The following PHLDB2 variants were observed in gnomAD, a reference collection of about 807,000 sequenced individuals.
PHLDB2 encodes the protein pleckstrin homology-like domain family B member 2.
Under a neutral mutation model 123.6 loss-of-function variants are expected in PHLDB2, and 71 were observed. The ratio of observed to expected loss-of-function variants is 0.57; its 90% CI spans 0.47 to 0.70. PHLDB2 has a LOEUF of 0.70. Among genes scored for constraint, PHLDB2 ranks in the 30% least tolerant of loss-of-function variants. PHLDB2 has a pLI of 0.00. For synonymous variants in PHLDB2, 547 were observed against 541.6 expected (o/e 1.01, Z -0.14); for missense variants, 1,446 against 1,519.5 (o/e 0.95, Z 0.80).
chr3:111,757,079 A>G (rs2107993595), intron 1 of PHLDB2, among the ~76,000 whole-genome samples: 1 of 152,186 alleles, frequency 6.6e-6, no homozygotes, highest in African/African-American at 2.4e-5. Flanking sequence ...GCTGCCCTTA[A>G]CATTTTTTCC....
At chr3:111,813,498 C>A (rs1355718363) in intron 1 of PHLDB2, among the ~76,000 whole-genome samples, 3 of 152,074 alleles carry the variant, frequency 2.0e-5, no homozygotes, top group Non-Finnish European at 4.4e-5. Context: ...GCTTTTATGA[C>A]AAATTTTCCC....
Position 111,801,691 on chromosome 3 carries a change from C to T in PHLDB2, c.-48-44130C>T, listed in dbSNP as rs1403329716. Among the ~76,000 whole-genome samples the T allele has an allele frequency of 3.9e-5, 6 of 152,186 alleles. No individual in the cohort carries two copies. In the East Asian group the frequency reaches 1.2e-3, roughly 29 times the overall value. On this transcript the variant is annotated intron_variant, in intron 1 of 17. Transcript: ENST00000393923. ...AAATAAAATTTTGATACATGTAACA[C>T]CATGAATGAACCTTGAAAATATTAT...
chr3:111,958,658 T>C (rs62277620), intron 12 of PHLDB2: 102,542 of 453,924 alleles, frequency 0.23, 13,078 homozygotes, highest in Non-Finnish European at 0.29. Flanking sequence ...TTATACACCT[T>C]ATAAACTACC....
chr3:111,835,012 A>T (rs1269438527), intron 1 of PHLDB2, among the ~76,000 whole-genome samples: 3 of 152,092 alleles, frequency 2.0e-5, no homozygotes, highest in Non-Finnish European at 4.4e-5. Context: ...TAAAAAAGGA[A>T]CCTTAACTAT....
chr3:111,783,889 T>C (rs539870706), intron 1 of PHLDB2, among the ~76,000 whole-genome samples: 32 of 152,236 alleles, frequency 2.1e-4, no homozygotes, highest in Admixed American at 9.2e-4. Flanking sequence ...ACAAAGTTTG[T>C]TATCTTTAAG....
intron 1 of PHLDB2, among the ~76,000 whole-genome samples, chr3:111,861,344 T>TG (rs1424637008): frequency 2.6e-5 from 4 of 152,234 alleles, no homozygotes; most frequent in African/African-American, 9.6e-5. Context: ...TTACATTTAA[T>TG]GGGGAAATTT....
At chr3:111,853,565 T>A (rs867909781) in intron 2 of PHLDB2, among the ~76,000 whole-genome samples, 2 of 152,090 alleles carry the variant, frequency 1.3e-5, no homozygotes, top group Non-Finnish European at 2.9e-5. Flanking sequence ...GTACCTACAT[T>A]AACACACTGG....
chr3:111,870,676 T>G (rs2065292915), intron 1 of PHLDB2, among the ~76,000 whole-genome samples: 2 of 152,060 alleles, frequency 1.3e-5, no homozygotes, highest in African/African-American at 4.8e-5. Flanking sequence ...TCAGGCCCCA[T>G]CTGCTGCCAT....
chr3:111,892,887 T>C (rs993964917), intron 2 of PHLDB2, among the ~76,000 whole-genome samples: 1 of 152,200 alleles, frequency 6.6e-6, no homozygotes, highest in African/African-American at 2.4e-5. Context: ...AACTTATATG[T>C]TCTCTAATCT....
chr3:111,797,945 G>A (rs969049525), intron 1 of PHLDB2, among the ~76,000 whole-genome samples: 11 of 152,120 alleles, frequency 7.2e-5, no homozygotes, highest in Non-Finnish European at 1.0e-4. Flanking sequence ...CAGCCTTGGC[G>A]ATATAGTGAG....
At chr3:111,955,557 C>G (rs1022135048) in intron 12 of PHLDB2, among the ~76,000 whole-genome samples, 1 of 151,998 alleles carries the variant, frequency 6.6e-6, no homozygotes, top group Admixed American at 6.6e-5. Context: ...TTCAAGTGAT[C>G]CTCCCACCTC....
intron 2 of PHLDB2, among the ~76,000 whole-genome samples, chr3:111,892,934 C>T (rs1577014435): frequency 6.6e-6 from 1 of 152,218 alleles, no homozygotes; most frequent in East Asian, 1.9e-4. Context: ...ATTTTAAAGA[C>T]CAGAAAATAA....
intron 12 of PHLDB2, chr3:111,958,131 G>A (rs2071168645): frequency 4.4e-6 from 1 of 229,302 alleles, no homozygotes; most frequent in Non-Finnish European, 7.2e-6. Context: ...CCATCAATGA[G>A]TGCATGTTGG....
At position 111,967,706 on chromosome 3, in the gene PHLDB2, C is replaced by A; in HGVS notation, c.3197C>A (p.Ala1066Asp). 1 of 1,611,228 alleles carries A rather than the reference C, an allele frequency of 6.2e-7. No homozygotes were observed. Among genetic ancestry groups the A allele is most frequent in the Non-Finnish European group, 8.5e-7 (1 of 1,178,928 alleles). Residue 1066 changes from alanine to aspartate, a missense_variant, in exon 15 of 18, where the codon GCC (alanine) becomes GAC (aspartate). By Grantham distance (126) the Ala-to-Asp change is moderately radical. Around this residue, in one of 3 missense-constraint regions of PHLDB2, gnomAD observed 594 missense variants for 646.0 expected, o/e 0.92. Transcript: ENST00000431670. ...REREMEAKKR[A>D]LEEEKRRREI... ...CGGGAAATGGAAGCCAAAAAACGAGCCCTGGAAGAAGAAAAACGACGCCGG... is the reference window on the plus strand; with the variant it reads ...CGGGAAATGGAAGCCAAAAAACGAGACCTGGAAGAAGAAAAACGACGCCGG...
chr3:111,851,573 C>T (rs1310275283), intron 2 of PHLDB2, among the ~76,000 whole-genome samples: 1 of 152,144 alleles, frequency 6.6e-6, no homozygotes, highest in African/African-American at 2.4e-5. Flanking sequence ...TTGTTTAATA[C>T]AGGAAGTAGA....
In PHLDB2 at chr3:111,885,199, C is replaced by T. The variant is rs1301069047; in HGVS notation, c.1122C>T (p.Asp374=). Residue 374 remains aspartate (D), a synonymous_variant, in exon 2 of 18, where the codon GAC becomes GAT. Coordinates refer to ENST00000431670, the MANE Select transcript of PHLDB2 (RefSeq NM_001134438.2). ...PSHSLLAGES[D]RVFATRRNFS... ...ATTCACTTCTTGCTGGAGAGTCAGA[C>T]AGAGTTTTTGCGACCAGGAGGAACT... 1 of 1,614,066 alleles carries T rather than the reference C, an allele frequency of 6.2e-7. No individual in the cohort carries two copies.
intron 1 of PHLDB2, among the ~76,000 whole-genome samples, chr3:111,814,709 T>C (rs963802682): frequency 2.0e-5 from 3 of 151,556 alleles, no homozygotes; most frequent in South Asian, 4.2e-4. Context: ...CATTTGCATC[T>C]GGTGAGGGCT....
chr3:111,831,740 T>C (rs565260337), intron 1 of PHLDB2, among the ~76,000 whole-genome samples: 6 of 152,272 alleles, frequency 3.9e-5, no homozygotes, highest in Middle Eastern at 3.4e-3. Flanking sequence ...ATGGGTGATA[T>C]AGATACGAAT....
At chr3:111,852,091 C>T (rs1005833904) in intron 2 of PHLDB2, among the ~76,000 whole-genome samples, 1 of 151,878 alleles carries the variant, frequency 6.6e-6, no homozygotes, top group Admixed American at 6.6e-5. Flanking sequence ...CAGTTATATG[C>T]TAGGCAGTAT....
Sources: gnomAD v4.1 joint callset for allele counts (sites outside exome capture counted in the v4.1 genomes callset) on GRCh38, gnomAD v4.1.1 for gene constraint, gnomAD v4.1.1 regional missense constraint, MANE v1.5 for transcripts, NCBI Gene and HGNC (gene_info 2026-07-23, HGNC 2026-07-21) for gene names.